Variants in TGFB2 observed in about 807,000 individuals in gnomAD.
TGFB2 encodes transforming growth factor beta 2, also known as transforming growth factor beta-2 proprotein.
Under a neutral mutation model 42.7 loss-of-function variants are expected in TGFB2, and 13 were observed. That is an observed-to-expected ratio of 0.30 (90% CI 0.20 to 0.48). The LOEUF (loss-of-function observed/expected upper bound fraction) is 0.48, where lower values mean the gene tolerates loss of function less well. Ranked by LOEUF, TGFB2 falls within the 20% of genes least tolerant of loss-of-function variation. The pLI is 0.99. For missense variants in TGFB2, 390 were observed against 517.5 expected, an observed-to-expected ratio of 0.75 and a Z score of 2.39; for synonymous variants, 193 against 193.6, an observed-to-expected ratio of 1.00 and a Z score of 0.03.
intron 1 of TGFB2, among the ~76,000 whole-genome samples, chr1:218,383,765 G>T (rs539169332): frequency 2.0e-5 from 3 of 152,230 alleles, no homozygotes; most frequent in Non-Finnish European, 4.4e-5. Context: ...ATGGGTTACA[G>T]ATTGCAATAA....
intron 2 of TGFB2, among the ~76,000 whole-genome samples, chr1:218,413,329 C>T (rs934278950): frequency 2.6e-5 from 4 of 152,188 alleles, no homozygotes; most frequent in Non-Finnish European, 5.9e-5. Context: ...GCCGAGATCA[C>T]ACAATCTCTG....
chr1:218,400,521 C>A (rs1386741718), intron 1 of TGFB2, among the ~76,000 whole-genome samples: 7 of 152,148 alleles, frequency 4.6e-5, no homozygotes, highest in Non-Finnish European at 8.8e-5. Flanking sequence ...TCCCATGGGA[C>A]TGCCACTTCA....
At chr1:218,421,590 C>T (rs534294333) in intron 2 of TGFB2, among the ~76,000 whole-genome samples, 1 of 152,052 alleles carries the variant, frequency 6.6e-6, no homozygotes, top group African/African-American at 2.4e-5. Flanking sequence ...GCATTATACT[C>T]CCCACAGTAT....
intron 2 of TGFB2, among the ~76,000 whole-genome samples, chr1:218,415,495 G>C (rs1659245172): frequency 6.6e-6 from 1 of 151,916 alleles, no homozygotes; most frequent in African/African-American, 2.4e-5. Flanking sequence ...AGGAGTTTGA[G>C]ACCAGCCTGG....
intron 1 of TGFB2, among the ~76,000 whole-genome samples, chr1:218,362,812 T>C (rs1419996903): frequency 6.6e-6 from 1 of 152,212 alleles, no homozygotes; most frequent in Non-Finnish European, 1.5e-5. Flanking sequence ...TTTTAAACTG[T>C]AGGTAAGTAG....
chr1:218,423,474 C>T (rs1340796427), intron 2 of TGFB2, among the ~76,000 whole-genome samples: 1 of 152,110 alleles, frequency 6.6e-6, no homozygotes, highest in Non-Finnish European at 1.5e-5. Context: ...CATTGAAAAA[C>T]TGGGCTTCAA....
chr1:218,405,557 C>G (rs1216963051), intron 2 of TGFB2: 2 of 644,408 alleles, frequency 3.1e-6, no homozygotes, highest in East Asian at 3.4e-5. Context: ...TTTTTAGATA[C>G]GAGGTCTCAC....
intron 2 of TGFB2, among the ~76,000 whole-genome samples, chr1:218,423,660 G>A (rs777842394): frequency 3.5e-4 from 53 of 152,250 alleles, no homozygotes; most frequent in Non-Finnish European, 4.1e-4. Flanking sequence ...TGAAAGGCGC[G>A]TGTGAGATGA....
chr1:218,423,753 T>A (rs771171276), intron 2 of TGFB2, among the ~76,000 whole-genome samples: 9 of 152,158 alleles, frequency 5.9e-5, no homozygotes, highest in Non-Finnish European at 1.2e-4. Flanking sequence ...CTCTGAAAGT[T>A]TTTGACAAGG....
intron 2 of TGFB2, among the ~76,000 whole-genome samples, chr1:218,421,729 A>G (rs1659461368): frequency 6.6e-6 from 1 of 152,178 alleles, no homozygotes; most frequent in African/African-American, 2.4e-5. Context: ...CTCATTGCAG[A>G]TATAATTAGT....
At chr1:218,389,672 T>TA (rs1183645939) in intron 1 of TGFB2, among the ~76,000 whole-genome samples, 1 of 152,196 alleles carries the variant, frequency 6.6e-6, no homozygotes, top group East Asian at 1.9e-4. Context: ...TATGGGTGCT[T>TA]ATCAACTATT....
At chr1:218,348,007 G>C (rs1313219729) in intron 1 of TGFB2, among the ~76,000 whole-genome samples, 1 of 151,208 alleles carries the variant, frequency 6.6e-6, no homozygotes, top group Admixed American at 6.6e-5. Context: ...GTAGCAATAG[G>C]AGTGAAATGA....
At chr1:218,353,822 T>G (rs967637561) in intron 1 of TGFB2, among the ~76,000 whole-genome samples, 1 of 152,104 alleles carries the variant, frequency 6.6e-6, no homozygotes, top group African/African-American at 2.4e-5. Context: ...CCTAGGAGTT[T>G]GAGGCTGCAG....
chr1:218,346,072 A>ACACACACACG lies in TGFB2; in HGVS notation c.-626_-617dup, dbSNP rs1558219311. Among the ~76,000 whole-genome samples the ACACACACACG allele has an allele frequency of 1.3e-5, 2 of 151,386 alleles. No individual in the cohort carries two copies. Among genetic ancestry groups the ACACACACACG allele is most frequent in the Admixed American group, 6.6e-5 (1 of 15,238 alleles). On this transcript the variant is annotated 5_prime_UTR_variant, in exon 1 of 7. Transcript: ENST00000366930. The surrounding 1 kb of genome is among the most constrained non-coding windows in gnomAD (Gnocchi z 4.9). The stretch of plus-strand genomic sequence containing the variant: ...CGCGCACACGCACACACACACACAC[A>ACACACACACG]CACACACACGCACGCACACACGTGT...
At chr1:218,354,307 G>A (rs1426332432) in intron 1 of TGFB2, among the ~76,000 whole-genome samples, 2 of 152,116 alleles carry the variant, frequency 1.3e-5, no homozygotes, top group African/African-American at 4.8e-5. Context: ...TCATTATCAG[G>A]GAAAATGTGT....
At chr1:218,373,976 A>G (rs541955848) in intron 1 of TGFB2, among the ~76,000 whole-genome samples, 1 of 152,362 alleles carries the variant, frequency 6.6e-6, no homozygotes, top group African/African-American at 2.4e-5. Context: ...TAGCTCATGC[A>G]TGCTCTTCAT....
chr1:218,437,656 G>T (rs151030771), intron 6 of TGFB2, among the ~76,000 whole-genome samples, 160 bp downstream of exon 6: 1 of 152,000 alleles, frequency 6.6e-6, no homozygotes, highest in Non-Finnish European at 1.5e-5. Context: ...AAAAGTATTC[G>T]CAGTTTTTGC....
At chr1:218,400,164 G>A (rs1658666724) in intron 1 of TGFB2, among the ~76,000 whole-genome samples, 1 of 151,880 alleles carries the variant, frequency 6.6e-6, no homozygotes, top group African/African-American at 2.4e-5. Flanking sequence ...GGCAGGGCTA[G>A]CTACAAAATT....
At chr1:218,402,130 A>G (rs2796812) in intron 1 of TGFB2, among the ~76,000 whole-genome samples, 90,118 of 152,090 alleles carry the variant, frequency 0.59, 29,694 homozygotes, top group African/African-American at 0.88. Flanking sequence ...AGGGAAGGCT[A>G]CCGGCTCCTC....
Sources: allele counts gnomAD v4.1 joint callset (sites outside exome capture counted in the v4.1 genomes callset), GRCh38; gene constraint gnomAD v4.1.1; non-coding constraint Gnocchi (gnomAD v3.1); transcripts MANE v1.5; gene names NCBI Gene and HGNC (gene_info 2026-07-23, HGNC 2026-07-21).